LEPR: variants seen among roughly 807,000 people sequenced by gnomAD.
The protein encoded by LEPR is OB receptor.
LEPR carries 56 observed loss-of-function variants against 114.7 expected under a neutral mutation model. That is an observed-to-expected ratio of 0.49 (90% CI 0.39 to 0.61). The LOEUF (loss-of-function observed/expected upper bound fraction) is 0.61, where lower values mean the gene tolerates loss of function less well. Among genes scored for constraint, LEPR ranks in the 20% least tolerant of loss-of-function variants. The probability of loss-of-function intolerance (pLI) is 0.00; values close to 1 mark genes in which losing one functional copy is unlikely to be tolerated. For synonymous variants in LEPR, 443 were observed against 461.4 expected, an observed-to-expected ratio of 0.96 and a Z score of 0.51; for missense variants, 1,202 against 1,352.9, an observed-to-expected ratio of 0.89 and a Z score of 1.75.
chr1:65,508,412 C>G (rs1213233966), intron 2 of LEPR, among the ~76,000 whole-genome samples: 1 of 152,034 alleles, frequency 6.6e-6, no homozygotes, highest in African/African-American at 2.4e-5. Context: ...TGTGGATATC[C>G]AGTTTTCACA....
intron 14 of LEPR, among the ~76,000 whole-genome samples, chr1:65,613,338 A>G (rs1187239587): frequency 6.6e-6 from 1 of 152,162 alleles, no homozygotes; most frequent in African/African-American, 2.4e-5. Context: ...AAAATTAAAA[A>G]CTTCTGATCT....
chr1:65,479,058 A>G (rs2100442207), intron 2 of LEPR, among the ~76,000 whole-genome samples: 1 of 152,328 alleles, frequency 6.6e-6, no homozygotes, highest in Non-Finnish European at 1.5e-5. Context: ...TCTTATAAAG[A>G]ATTTCCAATC....
chr1:65,556,720 A>C (rs1652838947), intron 2 of LEPR, among the ~76,000 whole-genome samples: 1 of 152,056 alleles, frequency 6.6e-6, no homozygotes, highest in African/African-American at 2.4e-5. Flanking sequence ...GAGGTGCTAA[A>C]ATTTCAGATG....
At position 65,492,716 on chromosome 1, in the gene LEPR, C is replaced by T. The variant is rs530028549; in HGVS notation, c.-21+67338C>T. On this transcript the variant is annotated intron_variant, in intron 2 of 19. Coordinates refer to ENST00000349533, the MANE Select transcript of LEPR (RefSeq NM_002303.6). ...AAATGCATGTGTTAGGTATACGTTA[C>T]CATGATTCCTGGCCTTTCGTATAGC... Among the ~76,000 whole-genome samples, 10 of 151,908 alleles carry T rather than the reference C, an allele frequency of 6.6e-5. No homozygotes were observed. The South Asian group carries it at 1.5e-3, about 22-fold the overall frequency.
At chr1:65,554,157 G>A (rs1278256447) in intron 2 of LEPR, among the ~76,000 whole-genome samples, 1 of 152,170 alleles carries the variant, frequency 6.6e-6, no homozygotes, top group Non-Finnish European at 1.5e-5. Flanking sequence ...CTGCTGGGAG[G>A]TGTCTCTCAG....
At chr1:65,423,123 T>C (rs1415348373) in intron 1 of LEPR, among the ~76,000 whole-genome samples, 5 of 152,100 alleles carry the variant, frequency 3.3e-5, no homozygotes, top group African/African-American at 1.2e-4. Flanking sequence ...GTGTTACACA[T>C]GTTGAATTTG....
chr1:65,590,099 A>G, intron 5 of LEPR, among the ~76,000 whole-genome samples: 1 of 151,858 alleles, frequency 6.6e-6, no homozygotes, highest in Non-Finnish European at 1.5e-5. Context: ...ATTTCCGTCA[A>G]CAGCATTTCA....
intron 2 of LEPR, among the ~76,000 whole-genome samples, chr1:65,532,214 A>G (rs966673073): frequency 1.3e-5 from 2 of 152,154 alleles, no homozygotes; most frequent in African/African-American, 4.8e-5. Flanking sequence ...AAAGTCTCCT[A>G]TGGACTAAGA....
At chr1:65,450,267 C>CT (rs1183661241) in intron 2 of LEPR, among the ~76,000 whole-genome samples, 1 of 151,774 alleles carries the variant, frequency 6.6e-6, no homozygotes, top group Non-Finnish European at 1.5e-5. Context: ...AGATTAAATG[C>CT]TTTTTTAAAA....
intron 16 of LEPR, among the ~76,000 whole-genome samples, chr1:65,618,743 C>T (rs893722484): frequency 6.6e-6 from 1 of 152,110 alleles, no homozygotes; most frequent in South Asian, 2.1e-4. Flanking sequence ...CTCCTCATTT[C>T]TTTCTACCAT....
intron 2 of LEPR, among the ~76,000 whole-genome samples, chr1:65,518,666 TCTC>T (rs1420969877): frequency 6.6e-6 from 1 of 152,144 alleles, no homozygotes; most frequent in Non-Finnish European, 1.5e-5. Context: ...TGCTTGAAAA[TCTC>T]CTCAGCTATA....
intron 2 of LEPR, among the ~76,000 whole-genome samples, chr1:65,450,525 T>C (rs558304708): frequency 7.0e-6 from 1 of 143,140 alleles, no homozygotes; most frequent in Admixed American, 7.1e-5. Context: ...GAATATGCAG[T>C]GTTTGGTTTT....
At chr1:65,469,121 A>G (rs147759349) in intron 2 of LEPR, among the ~76,000 whole-genome samples, 84 of 152,298 alleles carry the variant, frequency 5.5e-4, no homozygotes, top group Non-Finnish European at 8.4e-4. Context: ...GTGTCTGTGG[A>G]CTGCACACAG....
chr1:65,472,087 C>A (rs936914087), intron 2 of LEPR, among the ~76,000 whole-genome samples: 1 of 151,978 alleles, frequency 6.6e-6, no homozygotes, highest in Non-Finnish European at 1.5e-5. Flanking sequence ...TTTTTTTTGG[C>A]CTTTGTGAAT....
rs188796257 is a variant in LEPR at position 65,521,136 on chromosome 1, C to T, written c.-20-44410C>T. On this transcript the variant is annotated intron_variant, in intron 2 of 19. Transcript: ENST00000349533. ...CTGATTTTTCCGTAACAGACGATTCCGATGATTCTGGTGTTAGCTCTGTTT... is the reference window on the plus strand; with the variant it reads ...CTGATTTTTCCGTAACAGACGATTCTGATGATTCTGGTGTTAGCTCTGTTT... Among the ~76,000 whole-genome samples the T allele has an allele frequency of 1.1e-3, 165 of 152,316 alleles. 1 individual carries two copies. The highest frequency in any genetic ancestry group is 3.8e-3 in the African/African-American group (160 of 41,568).
chr1:65,578,261 C>T, intron 5 of LEPR: 1 of 218,006 alleles, frequency 4.6e-6, no homozygotes, highest in South Asian at 7.8e-5. Flanking sequence ...AGTGGATGAG[C>T]ACATTCTTAA....
chr1:65,437,762 A>T (rs17097182), intron 2 of LEPR, among the ~76,000 whole-genome samples: 18,333 of 152,064 alleles, frequency 0.12, 2,078 homozygotes, highest in African/African-American at 0.3. Flanking sequence ...TATTTGGGTC[A>T]TTGTGGTTTT....
chr1:65,568,175 T>C (rs1488733828), intron 3 of LEPR, among the ~76,000 whole-genome samples: 1 of 152,174 alleles, frequency 6.6e-6, no homozygotes, highest in Admixed American at 6.5e-5. Flanking sequence ...AATAACATAG[T>C]ATATAGTCTT....
At chr1:65,427,874 C>T in intron 2 of LEPR, 1 of 251,660 alleles carries the variant, frequency 4.0e-6, no homozygotes. Flanking sequence ...CTCCTGGCCT[C>T]AAGTCATCCT....
Sources: allele counts gnomAD v4.1 joint callset (sites outside exome capture counted in the v4.1 genomes callset), GRCh38; gene constraint gnomAD v4.1.1; transcripts MANE v1.5; gene names NCBI Gene and HGNC (gene_info 2026-07-23, HGNC 2026-07-21).